The following KIRREL3 variants were observed in gnomAD, a reference collection of about 807,000 sequenced individuals.
The protein encoded by KIRREL3 is kin of IRRE-like protein 3.
A neutral mutation model predicts 89.7 loss-of-function variants in KIRREL3; 36 were observed. The ratio of observed to expected loss-of-function variants is 0.40; its 90% CI spans 0.31 to 0.53. The LOEUF (loss-of-function observed/expected upper bound fraction) is 0.53, where lower values mean the gene tolerates loss of function less well. KIRREL3 is among the 20% of genes least tolerant of loss of function. The pLI is 0.49. For synonymous variants in KIRREL3, 445 were observed against 441.4 expected (o/e 1.01, Z -0.10); for missense variants, 864 against 1,056.6 (o/e 0.82, Z 2.53).
chr11:126,855,364 C>G (rs1419937138), intron 1 of KIRREL3, among the ~76,000 whole-genome samples: 4 of 152,164 alleles, frequency 2.6e-5, no homozygotes, highest in Non-Finnish European at 5.9e-5. Context: ...CCTTCTCCAG[C>G]CATCTAAGAC....
chr11:126,943,849 T>C lies in KIRREL3; in HGVS notation c.55+56606A>G, dbSNP rs1322668807. On this transcript the variant is annotated intron_variant, in intron 1 of 16. Coordinates refer to ENST00000525144, the MANE Select transcript of KIRREL3 (RefSeq NM_032531.4). The surrounding 1 kb of genome is among the most constrained non-coding windows in gnomAD (Gnocchi z 4.2). ...ACGGCTAATCTCAAGGTTTAGGAGG[T>C]GAGGGGGACATAGTATCATTCGGTT... 6.6e-6 allele frequency among the ~76,000 whole-genome samples: 1 copy of C among 152,040 alleles called. No individual in the cohort carries two copies. Among genetic ancestry groups the C allele is most frequent in the African/African-American group, 2.4e-5 (1 of 41,376 alleles).
At chr11:126,581,215 T>G (rs371520574) in intron 1 of KIRREL3, among the ~76,000 whole-genome samples, 19 of 152,280 alleles carry the variant, frequency 1.2e-4, no homozygotes, top group African/African-American at 4.6e-4. Context: ...TATTGAATTT[T>G]TTTTTGAGAC....
intron 1 of KIRREL3, among the ~76,000 whole-genome samples, chr11:126,874,203 G>T (rs150979066): frequency 6.6e-6 from 1 of 152,284 alleles, no homozygotes; most frequent in African/African-American, 2.4e-5. Context: ...CTAGCTACCT[G>T]GTCTCAGGAA....
At chr11:126,593,887 C>T (rs1170120815) in intron 1 of KIRREL3, among the ~76,000 whole-genome samples, 1 of 152,182 alleles carries the variant, frequency 6.6e-6, no homozygotes, top group African/African-American at 2.4e-5. Context: ...CACTGCGAGA[C>T]TCAGGGGGTC....
At position 126,508,776 on chromosome 11, in the gene KIRREL3, T is replaced by C. The variant is rs1958107502; in HGVS notation, c.433+12539A>G. 6.6e-6 allele frequency among the ~76,000 whole-genome samples: 1 copy of C among 152,146 alleles called. No homozygotes were observed. The highest frequency in any genetic ancestry group is 1.5e-5 in the Non-Finnish European group (1 of 68,024). ...GGTAATGAGCCTCTATGTCTCAGCT[T>C]CCTCGTCCGTAAAAGGGGACACGGG... is the stretch of plus-strand genomic sequence containing the variant. On this transcript the variant is annotated intron_variant, in intron 4 of 16. Coordinates refer to ENST00000525144, the MANE Select transcript of KIRREL3 (RefSeq NM_032531.4). The surrounding 1 kb of genome is among the most constrained non-coding windows in gnomAD (Gnocchi z 4.9).
At chr11:126,637,936 G>A (rs371546178) in intron 1 of KIRREL3, among the ~76,000 whole-genome samples, 8 of 152,254 alleles carry the variant, frequency 5.3e-5, no homozygotes, top group African/African-American at 1.7e-4. Flanking sequence ...CACAGTGGGA[G>A]CATGAGTCAG....
chr11:126,660,555 A>G (rs938188601), intron 1 of KIRREL3, among the ~76,000 whole-genome samples: 1 of 152,116 alleles, frequency 6.6e-6, no homozygotes, highest in East Asian at 1.9e-4. Flanking sequence ...CAGGAAGGGA[A>G]CCCATTGCCT....
Position 126,967,975 on chromosome 11 carries a change from C to T in KIRREL3, c.55+32480G>A, listed in dbSNP as rs139783089. 6.5e-3 allele frequency among the ~76,000 whole-genome samples: 986 copies of T among 152,260 alleles called. 7 individuals carry two copies. Among genetic ancestry groups the T allele is most frequent in the African/African-American group, 0.022 (921 of 41,546 alleles). On this transcript the variant is annotated intron_variant, in intron 1 of 16. Transcript: ENST00000525144. ...AAGAGGACAAACAACAGAATCCAGC[C>T]ACCTGACTACCAGCCAAGCCCTATT...
Position 126,656,571 on chromosome 11 carries a change from C to T in KIRREL3, c.56-93659G>A, listed in dbSNP as rs1035838580. ...TGCGTGCTCCTGGGCACCGCCTGCC[C>T]AGCCCCTGCACTGATTGTCTTACCC... On this transcript the variant is annotated intron_variant, in intron 1 of 16. Transcript: ENST00000525144. This position sits in a 1 kb window ranked among gnomAD's most constrained non-coding sequence, Gnocchi z 4.0. 6.6e-6 allele frequency among the ~76,000 whole-genome samples: 1 copy of T among 152,190 alleles called. No homozygotes were observed. Among genetic ancestry groups the T allele is most frequent in the African/African-American group, 2.4e-5 (1 of 41,444 alleles).
chr11:126,851,419 A>T (rs1944334925), intron 1 of KIRREL3, among the ~76,000 whole-genome samples: 1 of 152,200 alleles, frequency 6.6e-6, no homozygotes, highest in Non-Finnish European at 1.5e-5. Flanking sequence ...TTTCTCAGCG[A>T]TATCACCTTG....
At chr11:126,851,947 G>C (rs1168106345) in intron 1 of KIRREL3, among the ~76,000 whole-genome samples, 3 of 152,120 alleles carry the variant, frequency 2.0e-5, no homozygotes, top group African/African-American at 7.2e-5. Flanking sequence ...TGGAAGTCAG[G>C]CACAGAGGCC....
In KIRREL3 at chr11:126,837,694, T is replaced by C. The variant is rs1461064788; in HGVS notation, c.55+162761A>G. The stretch of plus-strand genomic sequence containing the variant: ...TAACTAAAAGTAATTTTACAAAAGA[T>C]GTCAGTGGTCTGGCAACGGTACCTC... On this transcript the variant is annotated intron_variant, in intron 1 of 16. Transcript: ENST00000525144. This position sits in a 1 kb window ranked among gnomAD's most constrained non-coding sequence, Gnocchi z 4.7. Among the ~76,000 whole-genome samples the C allele has an allele frequency of 6.6e-6, 1 of 152,218 alleles. No individual in the cohort carries two copies. The highest frequency in any genetic ancestry group is 1.5e-5 in the Non-Finnish European group (1 of 68,034).
chr11:126,862,132 T>C (rs2034620136), intron 1 of KIRREL3, among the ~76,000 whole-genome samples: 1 of 152,232 alleles, frequency 6.6e-6, no homozygotes, highest in Admixed American at 6.5e-5. Context: ...AAGAGTTTCC[T>C]GAGCTGAGCT....
chr11:126,945,100 C>T (rs984421656), intron 1 of KIRREL3: 1 of 152,212 alleles, frequency 6.6e-6, no homozygotes, highest in African/African-American at 2.4e-5. Context: ...CTATCTGCCT[C>T]GAGTTCTCCA....
At chr11:126,461,322 C>T (rs1040657111) in intron 6 of KIRREL3, among the ~76,000 whole-genome samples, 6 of 152,212 alleles carry the variant, frequency 3.9e-5, no homozygotes, top group Admixed American at 6.5e-5. Flanking sequence ...GGGCCAGGGC[C>T]AGTGAGGGGG....
chr11:126,738,552 G>C (rs1479975990), intron 1 of KIRREL3, among the ~76,000 whole-genome samples: 3 of 152,102 alleles, frequency 2.0e-5, no homozygotes, highest in Non-Finnish European at 4.4e-5. Context: ...TTCCCCCTAG[G>C]AGTGCAACAC....
chr11:126,979,582 G>T (rs1036903911), intron 1 of KIRREL3, among the ~76,000 whole-genome samples: 1 of 152,190 alleles, frequency 6.6e-6, no homozygotes, highest in Non-Finnish European at 1.5e-5. Flanking sequence ...CACCAGAGGC[G>T]GAGATAGAGG....
intron 6 of KIRREL3, among the ~76,000 whole-genome samples, chr11:126,458,636 G>A (rs777747457): frequency 2.0e-5 from 3 of 152,202 alleles, no homozygotes; most frequent in Non-Finnish European, 2.9e-5. Context: ...GCAGGTGGCT[G>A]ACTGTGCTGG....
chr11:126,981,032 C>G lies in KIRREL3; in HGVS notation c.55+19423G>C, dbSNP rs1427696909. ...GCAATGAGAGATGGTATACTTAGAT[C>G]TCTGTACCGTGGACTATCATTATTC... On this transcript the variant is annotated intron_variant, in intron 1 of 16. Coordinates refer to ENST00000525144, the MANE Select transcript of KIRREL3 (RefSeq NM_032531.4). This position sits in a 1 kb window ranked among gnomAD's most constrained non-coding sequence, Gnocchi z 4.2. 1.3e-5 allele frequency among the ~76,000 whole-genome samples: 2 copies of G among 152,296 alleles called. No homozygotes were observed. The highest frequency in any genetic ancestry group is 3.9e-4 in the East Asian group (2 of 5,188).
Sources: allele counts gnomAD v4.1 joint callset (sites outside exome capture counted in the v4.1 genomes callset), GRCh38; gene constraint gnomAD v4.1.1; non-coding constraint Gnocchi (gnomAD v3.1); transcripts MANE v1.5; gene names NCBI Gene and HGNC (gene_info 2026-07-23, HGNC 2026-07-21).